The following DHX35 variants were observed in gnomAD, a reference collection of about 807,000 sequenced individuals.
DHX35 encodes the protein DEAH-box helicase 35, also known as probable ATP-dependent RNA helicase DHX35.
In DHX35, 84 loss-of-function variants were observed where a neutral mutation model predicts 99.6. The ratio of observed to expected loss-of-function variants is 0.84; its 90% CI spans 0.71 to 1.01. DHX35 has a LOEUF of 1.01. DHX35 is among the 50% of genes least tolerant of loss of function. DHX35 has a pLI of 0.00. For synonymous variants in DHX35, 331 were observed against 316.2 expected (o/e 1.05, Z -0.50); for missense variants, 852 against 888.5 (o/e 0.96, Z 0.52).
At chr20:38,991,388 TA>T (rs2086334749) in intron 5 of DHX35, 65 bp from the exon 6 acceptor site, 7 of 1,476,544 alleles carry the variant, frequency 4.7e-6, no homozygotes, top group South Asian at 1.2e-5. Flanking sequence ...CACTTGAACT[TA>T]AAAAATACCA....
chr20:38,975,496 T>C (rs1462522473), intron 3 of DHX35, among the ~76,000 whole-genome samples: 1 of 152,224 alleles, frequency 6.6e-6, no homozygotes, highest in Non-Finnish European at 1.5e-5. Context: ...AATACCATTA[T>C]TATCTTCATT....
chr20:38,986,509 T>G (rs2086251169), intron 4 of DHX35, among the ~76,000 whole-genome samples: 2 of 152,184 alleles, frequency 1.3e-5, no homozygotes, highest in African/African-American at 4.8e-5. Context: ...TTTATGCTCA[T>G]TTTTTTAAAT....
intron 21 of DHX35, 118 bp from the exon 22 acceptor site, chr20:39,038,381 A>T: frequency 5.3e-6 from 6 of 1,136,836 alleles, no homozygotes; most frequent in South Asian, 1.4e-5. Flanking sequence ...CTCAGCATTT[A>T]CTGGGAAGGT....
chr20:39,003,779 A>G lies in DHX35; in HGVS notation c.883A>G (p.Ile295Val), dbSNP rs753711424. 2.5e-6 allele frequency: 4 copies of G among 1,614,050 alleles called. No homozygotes were observed. Among genetic ancestry groups the G allele is most frequent in the East Asian group, 2.2e-5 (1 of 44,882 alleles). ...GGTAGAAACTGTTGTGTCGATGCTC[A>G]TCGAGCAGGCTCGAGCACTAGCTCG... is the stretch of plus-strand genomic sequence containing the variant. ...EEVETVVSML[I>V]EQARALARTG... The change falls in exon 11 of 22, where the codon ATC becomes GTC. Residue 295 changes from isoleucine (I) to valine (V), a missense_variant. Coordinates refer to ENST00000252011, the MANE Select transcript of DHX35 (RefSeq NM_021931.4).
chr20:39,030,656 T>C (rs2087032994), intron 19 of DHX35, 48 bp from the exon 20 acceptor site: 2 of 1,543,930 alleles, frequency 1.3e-6, no homozygotes, highest in Admixed American at 1.7e-5. Flanking sequence ...AAAGTCTTGC[T>C]ATAAGTATTT....
chr20:39,012,780 C>T (rs1004173128), intron 13 of DHX35, among the ~76,000 whole-genome samples: 3 of 152,234 alleles, frequency 2.0e-5, no homozygotes, highest in Admixed American at 1.3e-4. Context: ...ATCTGCCCAC[C>T]TTGGCCTCCC....
intron 8 of DHX35, 79 bp downstream of exon 8, chr20:38,994,959 A>G (rs2086403985): frequency 1.6e-6 from 2 of 1,268,154 alleles, no homozygotes; most frequent in South Asian, 1.3e-5. Context: ...TACCTCTAGC[A>G]AGAGCTTATC....
intron 11 of DHX35, among the ~76,000 whole-genome samples, chr20:39,004,156 G>A (rs974104516): frequency 1.6e-4 from 24 of 152,066 alleles, no homozygotes; most frequent in Admixed American, 1.2e-3. Flanking sequence ...TCTGCCTCCC[G>A]GGTTCACGCC....
chr20:39,033,867 C>CT (rs1258925168), intron 20 of DHX35, among the ~76,000 whole-genome samples: 3 of 152,166 alleles, frequency 2.0e-5, no homozygotes, highest in Non-Finnish European at 4.4e-5. Context: ...CAGAATCAGG[C>CT]AAGTCTTTGC....
chr20:38,982,185 A>G (rs76518319), intron 3 of DHX35, among the ~76,000 whole-genome samples: 1 of 66,550 alleles, frequency 1.5e-5, no homozygotes, highest in Non-Finnish European at 3.2e-5. Flanking sequence ...GCCTTTCTTT[A>G]TTTATAACTT....
intron 13 of DHX35, among the ~76,000 whole-genome samples, chr20:39,013,561 GA>G (rs1382305950): frequency 6.6e-6 from 1 of 152,212 alleles, no homozygotes; most frequent in East Asian, 1.9e-4. Context: ...TGGAGAGGGG[GA>G]TAAGTTTTTT....
At chr20:38,989,874 C>T (rs778047223) in intron 5 of DHX35, among the ~76,000 whole-genome samples, 7 of 152,046 alleles carry the variant, frequency 4.6e-5, no homozygotes, top group Admixed American at 6.6e-5. Flanking sequence ...TCTAATCAGA[C>T]AGTGCAATAA....
At chr20:38,965,532 T>G (rs1272848185) in intron 1 of DHX35, among the ~76,000 whole-genome samples, 2 of 152,176 alleles carry the variant, frequency 1.3e-5, no homozygotes, top group Non-Finnish European at 1.5e-5. Context: ...ACAGTGGAGA[T>G]CTACAGTAGA....
At chr20:38,996,778 T>C (rs2086436452) in intron 8 of DHX35, among the ~76,000 whole-genome samples, 1 of 152,112 alleles carries the variant, frequency 6.6e-6, no homozygotes, top group Admixed American at 6.5e-5. Context: ...GAGTCTGTTG[T>C]TTTAGGTCTG....
At chr20:39,017,093 T>C (rs2086798121) in intron 14 of DHX35, among the ~76,000 whole-genome samples, 2 of 152,206 alleles carry the variant, frequency 1.3e-5, no homozygotes, top group African/African-American at 4.8e-5. Context: ...GTGCCCTTGG[T>C]GTCATGTCTA....
intron 13 of DHX35, among the ~76,000 whole-genome samples, chr20:39,013,639 T>C (rs1159055352): frequency 6.6e-6 from 1 of 152,206 alleles, no homozygotes; most frequent in Non-Finnish European, 1.5e-5. Context: ...TTTTCTGTAA[T>C]TGTTAAAAGC....
Position 39,014,776 on chromosome 20 carries a change from T to TG in DHX35, c.1348-100dup, listed in dbSNP as rs2086755880. On this transcript the variant is annotated intron_variant, in intron 13 of 21. Coordinates refer to ENST00000252011, the MANE Select transcript of DHX35 (RefSeq NM_021931.4). ...ACAGAAACATGGAGGCTGGGAAGAA[T>TG]GGGGCATGTTAGAGGGGAGAATGGA... 1.1e-5 allele frequency: 15 copies of TG among 1,344,622 alleles called. 1 individual carries two copies. The South Asian group carries it at 1.8e-4, about 16-fold the overall frequency. 83.3% of individuals were successfully genotyped at this position (1,344,622 alleles called of 1,614,324 possible).
chr20:39,014,751 A>G (rs1055057139), intron 13 of DHX35, 129 bp from the exon 14 acceptor site: 1 of 1,153,892 alleles, frequency 8.7e-7, no homozygotes, highest in Non-Finnish European at 1.3e-6. Flanking sequence ...AACAGCAAGA[A>G]CAGAAACATG....
intron 3 of DHX35, among the ~76,000 whole-genome samples, chr20:38,973,112 G>A (rs2086027641): frequency 6.6e-6 from 1 of 152,186 alleles, no homozygotes; most frequent in Non-Finnish European, 1.5e-5. Flanking sequence ...CCTTGTAAAG[G>A]AATTGGCATT....
Sources: gnomAD v4.1 joint callset for allele counts (sites outside exome capture counted in the v4.1 genomes callset) on GRCh38, gnomAD v4.1.1 for gene constraint, MANE v1.5 for transcripts, NCBI Gene and HGNC (gene_info 2026-07-23, HGNC 2026-07-21) for gene names.